Variants in ZC3H4 observed in about 807,000 individuals in gnomAD.
The protein encoded by ZC3H4 is zinc finger CCCH-type containing 4.
In ZC3H4, 13 loss-of-function variants were observed where a neutral mutation model predicts 108.3. The observed-to-expected ratio is 0.12, with a 90% CI of 0.08 to 0.19. ZC3H4 has a LOEUF of 0.19. Among genes scored for constraint, ZC3H4 ranks in the 10% least tolerant of loss-of-function variants. The probability of loss-of-function intolerance (pLI) is 1.00; values close to 1 mark genes in which losing one functional copy is unlikely to be tolerated. For missense variants in ZC3H4, 1,734 were observed against 1,838.8 expected (o/e 0.94, Z 1.04); for synonymous variants, 917 against 749.6 (o/e 1.22, Z -3.65).
chr19:47,083,310 TA>T (rs918816929), intron 9 of ZC3H4, among the ~76,000 whole-genome samples: 189 of 121,876 alleles, frequency 1.6e-3, no homozygotes, highest in Middle Eastern at 9.2e-3. Flanking sequence ...TAAAAAAAAT[TA>T]AAAAAAAAAA....
At position 47,069,363 on chromosome 19, in the gene ZC3H4, AG is replaced by A. The variant is rs1209188854; in HGVS notation, c.2147-21del. ...AGTCCTCTGTGGCAGGGAAGAACCG[AG>A]GGTTCATGTCGGGAAGGGCCTCCAG... is the stretch of plus-strand genomic sequence containing the variant. On this transcript the variant is annotated intron_variant, in intron 13 of 14. Coordinates refer to ENST00000253048, the MANE Select transcript of ZC3H4 (RefSeq NM_015168.2). 5 of 1,607,800 alleles carry A rather than the reference AG, an allele frequency of 3.1e-6. No homozygotes were observed. In the Admixed American group the frequency reaches 8.5e-5, roughly 27 times the overall value.
chr19:47,094,107 G>T, intron 3 of ZC3H4, 27 bp from the exon 4 acceptor site: 1 of 1,606,700 alleles, frequency 6.2e-7, no homozygotes, highest in Non-Finnish European at 8.5e-7. Context: ...AGGAGACTCA[G>T]CAACCTGCCA....
In ZC3H4 at chr19:47,112,429, G is replaced by A. The variant is rs1443147966; in HGVS notation, c.156C>T (p.Asp52=). ...GGCCCAACCGGGGGCCTGACCTGTC[G>A]TCAGGGAGCGGGAGGCGGTGGTGGA... ...HLLHHRLPLP[D]DREDGELEEG... The change falls in exon 2 of 15, where the codon GAC becomes GAT. Residue 52 remains aspartate (D), a synonymous_variant. Coordinates refer to ENST00000253048, the MANE Select transcript of ZC3H4 (RefSeq NM_015168.2). The A allele has an allele frequency of 1.1e-5, 13 of 1,235,444 alleles. No individual in the cohort carries two copies. The highest frequency in any genetic ancestry group is 4.1e-5 in the South Asian group (1 of 24,590). 76.5% of individuals were successfully genotyped at this position (1,235,444 alleles called of 1,614,324 possible). A position where few individuals can be genotyped will look rare whatever the true frequency, so the allele number is the denominator to read the frequency against.
chr19:47,077,176 T>C (rs1400263288), intron 11 of ZC3H4, among the ~76,000 whole-genome samples: 2 of 148,916 alleles, frequency 1.3e-5, no homozygotes, highest in Non-Finnish European at 3.0e-5. Flanking sequence ...AAAAAACAAC[T>C]CACAGAACTA....
chr19:47,091,414 T>C (rs1002169710), intron 4 of ZC3H4, among the ~76,000 whole-genome samples: 5 of 149,836 alleles, frequency 3.3e-5, no homozygotes, highest in Non-Finnish European at 5.9e-5. Context: ...CTACTAAAAA[T>C]ACAAAATGAA....
At chr19:47,079,886 C>CA (rs1384630162) in intron 11 of ZC3H4, among the ~76,000 whole-genome samples, 1 of 152,104 alleles carries the variant, frequency 6.6e-6, no homozygotes, top group African/African-American at 2.4e-5. Context: ...GACTCTGTAT[C>CA]AAAAAACAAA....
chr19:47,084,570 G>A, intron 8 of ZC3H4, 115 bp from the exon 9 acceptor site: 1 of 966,870 alleles, frequency 1.0e-6, no homozygotes, highest in South Asian at 1.4e-5. Context: ...GATCTCACAA[G>A]AGCACCGATG....
At chr19:47,111,927 C>T (rs879530552) in intron 2 of ZC3H4, among the ~76,000 whole-genome samples, 11 of 152,158 alleles carry the variant, frequency 7.2e-5, no homozygotes, top group Non-Finnish European at 1.6e-4. Context: ...AACCCCAAAC[C>T]CCTAAGAGCG....
At chr19:47,068,437 A>T (rs1249821962) in intron 14 of ZC3H4, among the ~76,000 whole-genome samples, 1 of 152,152 alleles carries the variant, frequency 6.6e-6, no homozygotes, top group Non-Finnish European at 1.5e-5. Context: ...GCTGGTGTGG[A>T]CCAACCGCAG....
chr19:47,067,574 G>T lies in ZC3H4; in HGVS notation c.2694C>A (p.Thr898=), dbSNP rs1308503560. The T allele has an allele frequency of 6.2e-7, 1 of 1,604,202 alleles. No homozygotes were observed. Residue 898 remains threonine (T), a synonymous_variant, in exon 15 of 15, where the codon ACC becomes ACA. Coordinates refer to ENST00000253048, the MANE Select transcript of ZC3H4 (RefSeq NM_015168.2). This position sits in a 1 kb window ranked among gnomAD's most constrained non-coding sequence, Gnocchi z 6.4. Reference sequence around the variant, plus strand: ...AATGAAGGCTGCCTTCGGGCTTGGAGGTGGGCAGGGCGCGAGCCAGCCGAG... The same window carrying T: ...AATGAAGGCTGCCTTCGGGCTTGGATGTGGGCAGGGCGCGAGCCAGCCGAG... ...SDPRLARALP[T]SKPEGSLHSS... is the part of the protein sequence containing the mutation.
At chr19:47,084,603 G>A (rs1600052097) in intron 8 of ZC3H4, 148 bp from the exon 9 acceptor site, 1 of 754,124 alleles carries the variant, frequency 1.3e-6, no homozygotes, top group Non-Finnish European at 2.2e-6. Flanking sequence ...CTAACACGGA[G>A]GCTGCGTGCA....
In ZC3H4 at chr19:47,084,433, C is replaced by T. The variant is rs755869644; in HGVS notation, c.1130G>A (p.Arg377Gln). The T allele has an allele frequency of 7.4e-6, 12 of 1,614,076 alleles. No homozygotes were observed. Among genetic ancestry groups the T allele is most frequent in the Middle Eastern group, 1.6e-4 (1 of 6,084 alleles). The change falls in exon 9 of 15, where the codon CGG becomes CAG. Residue 377 changes from arginine to glutamine, a missense_variant. By Grantham distance (43) the Arg-to-Gln change is conservative (BLOSUM62 1). Transcript: ENST00000253048. ...GTGGGGCTTGTCATGGTCACGACTC[C>T]GGTAGCTTCCACCACCACCGTCCTG... ...DMGDGGGGSY[R>Q]SRDHDKPHQQ... is the part of the protein sequence containing the mutation.
rs748445260 is a variant in ZC3H4 at position 47,090,093 on chromosome 19, C to T, written c.589G>A (p.Glu197Lys). Residue 197 changes from glutamate to lysine, a missense_variant, in exon 5 of 15, where the codon GAG becomes AAG. Physicochemically the swap from Glu to Lys is moderately conservative, Grantham distance 56. Coordinates refer to ENST00000253048, the MANE Select transcript of ZC3H4 (RefSeq NM_015168.2). ...SKSYGMYEDY[E>K]NEQYGEYEGD... ...TCATATTCCCCATACTGCTCATTCT[C>T]GTAGTCCTCGTACATGCCATAACTC... is the stretch of plus-strand genomic sequence containing the variant. The T allele has an allele frequency of 6.8e-6, 11 of 1,614,090 alleles. No individual in the cohort carries two copies. In the East Asian group the frequency reaches 1.1e-4, roughly 16 times the overall value.
intron 2 of ZC3H4, 123 bp downstream of exon 2, chr19:47,112,301 C>T (rs1269785638): frequency 8.9e-7 from 1 of 1,128,944 alleles, no homozygotes; most frequent in Middle Eastern, 3.3e-4. Flanking sequence ...CGACCCCGCC[C>T]TTCCTCCTCC....
chr19:47,081,198 T>C (rs1346329706), intron 11 of ZC3H4, among the ~76,000 whole-genome samples: 1 of 152,224 alleles, frequency 6.6e-6, no homozygotes, highest in Admixed American at 6.5e-5. Flanking sequence ...TATCTTTGTG[T>C]ATTGTGAGCT....
chr19:47,108,695 G>A (rs1219849417), intron 2 of ZC3H4, among the ~76,000 whole-genome samples: 1 of 152,180 alleles, frequency 6.6e-6, no homozygotes. Context: ...AGCCTTCCTG[G>A]CTGTGGAAAA....
intron 3 of ZC3H4, 49 bp downstream of exon 3, chr19:47,094,340 G>A: frequency 6.2e-7 from 1 of 1,602,742 alleles, no homozygotes; most frequent in Non-Finnish European, 8.5e-7. Flanking sequence ...GGGGCTCTCA[G>A]CCAGGCCCAA....
At chr19:47,096,963 G>C (rs2057831350) in intron 2 of ZC3H4, 23 of 985,384 alleles carry the variant, frequency 2.3e-5, no homozygotes, top group Non-Finnish European at 2.5e-5. Flanking sequence ...GTCAGCTGAG[G>C]CCTCCTTCCC....
In ZC3H4 at chr19:47,065,276, G is replaced by C. The variant is rs1286984217; in HGVS notation, c.*1080C>G. 6.5e-6 allele frequency: 1 copy of C among 152,840 alleles called. No individual in the cohort carries two copies. Among genetic ancestry groups the C allele is most frequent in the East Asian group, 1.9e-4 (1 of 5,208 alleles). 9.5% of individuals were successfully genotyped at this position (152,840 alleles called of 1,614,324 possible). A position where few individuals can be genotyped will look rare whatever the true frequency, so the allele number is the denominator to read the frequency against. ...CACCTTGGAACACCTGCATCTGCTG[G>C]CTTGGGAAAGGAAACCCGAACACAT... On this transcript the variant is annotated 3_prime_UTR_variant, in exon 15 of 15. Coordinates refer to ENST00000253048, the MANE Select transcript of ZC3H4 (RefSeq NM_015168.2).
Sources: allele counts gnomAD v4.1 joint callset (sites outside exome capture counted in the v4.1 genomes callset), GRCh38; gene constraint gnomAD v4.1.1; non-coding constraint Gnocchi (gnomAD v3.1); transcripts MANE v1.5; gene names NCBI Gene and HGNC (gene_info 2026-07-23, HGNC 2026-07-21).